The following NEDD4L variants were observed in gnomAD, a reference collection of about 807,000 sequenced individuals.
NEDD4L encodes the protein E3 ubiquitin-protein ligase NEDD4-like.
In NEDD4L, 54 loss-of-function variants were observed where a neutral mutation model predicts 148.9. The observed-to-expected ratio is 0.36, with a 90% CI of 0.29 to 0.45. The LOEUF is 0.45. Ranked by LOEUF, NEDD4L falls within the 20% of genes least tolerant of loss-of-function variation. The probability of loss-of-function intolerance (pLI) is 1.00; values close to 1 mark genes in which losing one functional copy is unlikely to be tolerated. For missense variants in NEDD4L, 856 were observed against 1,233.8 expected (o/e 0.69, Z 4.59); for synonymous variants, 433 against 440.7 (o/e 0.98, Z 0.22).
In NEDD4L at chr18:58,304,772, G is replaced by A. The variant is rs189580053; in HGVS notation, c.298-11210G>A. Among the ~76,000 whole-genome samples the A allele has an allele frequency of 3.3e-4, 50 of 152,322 alleles. 1 individual carries two copies. Among genetic ancestry groups the A allele is most frequent in the Admixed American group, 2.6e-3 (40 of 15,306 alleles). On this transcript the variant is annotated intron_variant, in intron 5 of 30. Transcript: ENST00000400345. ...CATCACTGATGATGTTCAAAGCTAA[G>A]CAGGGTGAGCAACCACTTGAAAGAG...
intron 2 of NEDD4L, among the ~76,000 whole-genome samples, chr18:58,230,198 C>T (rs1046793965): frequency 1.3e-5 from 2 of 152,184 alleles, no homozygotes; most frequent in African/African-American, 4.8e-5. Flanking sequence ...CATCAGGTTT[C>T]TGGAATTAAA....
intron 5 of NEDD4L, among the ~76,000 whole-genome samples, chr18:58,288,054 CCTGA>C (rs1472863762): frequency 6.6e-6 from 1 of 152,160 alleles, no homozygotes; most frequent in African/African-American, 2.4e-5. Context: ...CTAATTCATG[CCTGA>C]CTAATTTGCC....
At position 58,385,555 on chromosome 18, in the gene NEDD4L, G is replaced by A; in HGVS notation, c.2456G>A (p.Arg819Lys). The A allele has an allele frequency of 1.2e-6, 2 of 1,613,954 alleles. No homozygotes were observed. Among genetic ancestry groups the A allele is most frequent in the Non-Finnish European group, 1.7e-6 (2 of 1,179,824 alleles). ...DLVIQWRFVNRVQKQMNAFLE... is the reference protein window; with the variant it reads ...DLVIQWRFVNKVQKQMNAFLE... ...GTCATCCAGTGGAGATTTGTGAACA[G>A]GGTCCAGAAGCAGATGAACGCCTTC... is the stretch of plus-strand genomic sequence containing the variant. Residue 819 changes from arginine to lysine, a missense_variant, in exon 26 of 31, where the codon AGG becomes AAG. Arg to Lys is a conservative substitution (Grantham distance 26, BLOSUM62 2). Around this residue, in one of 4 missense-constraint regions of NEDD4L, gnomAD observed 286 missense variants for 531.8 expected, o/e 0.54. Transcript: ENST00000400345.
chr18:58,047,340 C>G (rs1021215645), intron 1 of NEDD4L: 10 of 984,744 alleles, frequency 1.0e-5, no homozygotes, highest in Non-Finnish European at 1.2e-5. Context: ...TGTTGAAAAG[C>G]ATGGTATGTT....
intron 1 of NEDD4L, among the ~76,000 whole-genome samples, chr18:58,055,393 G>C (rs990318491): frequency 6.6e-6 from 1 of 152,202 alleles, no homozygotes; most frequent in African/African-American, 2.4e-5. Context: ...TTATTGTCTT[G>C]TGTTTTGCTT....
chr18:58,313,005 T>G (rs1301235682), intron 5 of NEDD4L, among the ~76,000 whole-genome samples: 1 of 152,204 alleles, frequency 6.6e-6, no homozygotes, highest in East Asian at 1.9e-4. Context: ...CGGTGTAGTG[T>G]CCCTAACCTA....
intron 2 of NEDD4L, among the ~76,000 whole-genome samples, chr18:58,192,146 G>A (rs1169523298): frequency 6.6e-6 from 1 of 152,152 alleles, no homozygotes; most frequent in Non-Finnish European, 1.5e-5. Context: ...ACTCCAGCCT[G>A]AGCTACAGAA....
intron 7 of NEDD4L, 90 bp from the exon 8 acceptor site, chr18:58,323,142 G>A (rs562235200): frequency 1.1e-5 from 8 of 751,502 alleles, no homozygotes; most frequent in Non-Finnish European, 1.9e-5. Flanking sequence ...TGCCCTGCGT[G>A]CTGTGGTGGT....
At chr18:58,150,278 A>T (rs922508086) in intron 1 of NEDD4L, among the ~76,000 whole-genome samples, 1 of 152,204 alleles carries the variant, frequency 6.6e-6, no homozygotes. Context: ...CTTGTTGCCT[A>T]GGCTGGAGTG....
chr18:58,068,180 T>C (rs1400835114), intron 1 of NEDD4L, among the ~76,000 whole-genome samples: 1 of 148,002 alleles, frequency 6.8e-6, no homozygotes, highest in African/African-American at 2.5e-5. Context: ...GATCTTGAAC[T>C]CCTAGAATTC....
intron 2 of NEDD4L, among the ~76,000 whole-genome samples, chr18:58,174,029 C>T (rs371658615): frequency 8.5e-5 from 13 of 152,322 alleles, no homozygotes; most frequent in Middle Eastern, 3.4e-3. Flanking sequence ...TGCTGGGGTG[C>T]CCTAGCTCAC....
Position 58,056,894 on chromosome 18 carries a change from C to CT in NEDD4L, c.48+12202dup, listed in dbSNP as rs74183230. Among the ~76,000 whole-genome samples, 443 of 121,594 alleles carry CT rather than the reference C, an allele frequency of 3.6e-3. 8 individuals are homozygous for CT. The highest frequency in any genetic ancestry group is 9.6e-3 in the African/African-American group (331 of 34,622). 79.8% of individuals were successfully genotyped at this position (121,594 alleles called of 152,430 possible). A position where few individuals can be genotyped will look rare whatever the true frequency, so the allele number is the denominator to read the frequency against. On this transcript the variant is annotated intron_variant, in intron 1 of 30. Transcript: ENST00000400345. ...CCATGCCCAGCCAGAGCTATGCCCTCTTTTTTTTTTTTTTTTGTTTGTTTG... is the reference window on the plus strand; with the variant it reads ...CCATGCCCAGCCAGAGCTATGCCCTCTTTTTTTTTTTTTTTTTGTTTGTTTG...
chr18:58,331,488 G>A (rs1000829513), intron 11 of NEDD4L, among the ~76,000 whole-genome samples: 15 of 152,168 alleles, frequency 9.9e-5, no homozygotes, highest in Admixed American at 9.8e-4. Flanking sequence ...CTGTCATCAA[G>A]GTAGCATTTT....
intron 9 of NEDD4L, among the ~76,000 whole-genome samples, chr18:58,328,530 AT>A (rs1190681017): frequency 1.3e-5 from 2 of 152,142 alleles, no homozygotes; most frequent in African/African-American, 4.8e-5. Context: ...ACAGCTTTGA[AT>A]TTGTCCCTTT....
chr18:58,360,996 A>G (rs2045396611), intron 19 of NEDD4L, among the ~76,000 whole-genome samples: 1 of 152,106 alleles, frequency 6.6e-6, no homozygotes, highest in Non-Finnish European at 1.5e-5. Flanking sequence ...ATGGTCCTGG[A>G]CAGAAGGTAA....
Position 58,253,262 on chromosome 18 carries a change from C to G in NEDD4L, c.297+1208C>G, listed in dbSNP as rs1290211284. ...AGAGCCTTTACATAAACACATCAGT[C>G]AGTGGAGGTGCCAGGGTCTGACCTG... On this transcript the variant is annotated intron_variant, in intron 5 of 30. Coordinates refer to ENST00000400345, the MANE Select transcript of NEDD4L (RefSeq NM_001144967.3). Among the ~76,000 whole-genome samples the G allele has an allele frequency of 3.9e-5, 6 of 152,212 alleles. No homozygotes were observed. In the South Asian group the frequency reaches 6.2e-4, roughly 16 times the overall value.
intron 5 of NEDD4L, among the ~76,000 whole-genome samples, chr18:58,261,404 G>C (rs1317924903): frequency 6.6e-6 from 1 of 152,136 alleles, no homozygotes; most frequent in Non-Finnish European, 1.5e-5. Context: ...AAACAATATA[G>C]TGTTATATCT....
At chr18:58,230,074 G>A (rs566453389) in intron 2 of NEDD4L, among the ~76,000 whole-genome samples, 1 of 152,264 alleles carries the variant, frequency 6.6e-6, no homozygotes, top group East Asian at 1.9e-4. Context: ...CATGAAAAAT[G>A]ACGCTAAGAA....
intron 18 of NEDD4L, among the ~76,000 whole-genome samples, chr18:58,353,144 C>A (rs983392999): frequency 6.6e-6 from 1 of 152,210 alleles, no homozygotes; most frequent in Non-Finnish European, 1.5e-5. Flanking sequence ...CTTTCCACCC[C>A]CACCGGCCTG....
Sources: gnomAD v4.1 joint callset for allele counts (sites outside exome capture counted in the v4.1 genomes callset) on GRCh38, gnomAD v4.1.1 for gene constraint, gnomAD v4.1.1 regional missense constraint, MANE v1.5 for transcripts, NCBI Gene and HGNC (gene_info 2026-07-23, HGNC 2026-07-21) for gene names.